DPH6: variants seen among roughly 807,000 people sequenced by gnomAD.
The protein encoded by DPH6 is diphthamine biosynthesis 6, also known as diphthine--ammonia ligase.
In DPH6, 33 loss-of-function variants were observed where a neutral mutation model predicts 38.2. That is an observed-to-expected ratio of 0.86 (90% CI 0.65 to 1.15). The LOEUF is 1.15. Among genes scored for constraint, DPH6 ranks in the 50% most tolerant of loss-of-function variants. The pLI, the probability that DPH6 is intolerant of heterozygous loss-of-function variation, is 0.00. For synonymous variants in DPH6, 108 were observed against 103.0 expected, an observed-to-expected ratio of 1.05 and a Z score of -0.30; for missense variants, 325 against 320.0, an observed-to-expected ratio of 1.02 and a Z score of -0.12.
At chr15:35,504,085 T>C (rs1401131392) in intron 3 of DPH6, among the ~76,000 whole-genome samples, 1 of 151,988 alleles carries the variant, frequency 6.6e-6, no homozygotes, top group East Asian at 1.9e-4. Context: ...CTAGCCCCTA[T>C]CTCTCCTCTC....
the DPH6 span, among the ~76,000 whole-genome samples, chr15:35,179,703 A>G: frequency 6.6e-6 from 1 of 152,334 alleles, no homozygotes. Context: ...TGGCTTGTAA[A>G]GACAGGGGAT....
At chr15:35,145,465 G>A in the DPH6 span, among the ~76,000 whole-genome samples, 8 of 152,300 alleles carry the variant, frequency 5.3e-5, no homozygotes, top group African/African-American at 1.9e-4. Context: ...TACTGCTTGG[G>A]AGCTGGTTAG....
At position 35,456,891 on chromosome 15, in the gene DPH6, T is replaced by A. The variant is rs189466904; in HGVS notation, c.313-2071A>T. The stretch of plus-strand genomic sequence containing the variant: ...TCATCACAACCCTAAAACAATTTCT[T>A]CTTTGTATACATGCATTCTCTGGAA... On this transcript the variant is annotated intron_variant, in intron 3 of 8. Coordinates refer to ENST00000256538, the MANE Select transcript of DPH6 (RefSeq NM_080650.4). Among the ~76,000 whole-genome samples the A allele has an allele frequency of 2.0e-5, 3 of 152,282 alleles. No individual in the cohort carries two copies. In the East Asian group the frequency reaches 5.8e-4, roughly 29 times the overall value.
At chr15:35,439,557 AT>A (rs1165519709) in intron 5 of DPH6, among the ~76,000 whole-genome samples, 9 of 152,234 alleles carry the variant, frequency 5.9e-5, no homozygotes, top group African/African-American at 2.2e-4. Flanking sequence ...CTTTTAAGGA[AT>A]CAAGCTCAAC....
chr15:35,211,403 C>G, the DPH6 span, among the ~76,000 whole-genome samples: 3 of 152,120 alleles, frequency 2.0e-5, no homozygotes, highest in Non-Finnish European at 4.4e-5. Context: ...GTCCTCATAA[C>G]TGTCTGTAGA....
intron 1 of DPH6, among the ~76,000 whole-genome samples, chr15:35,545,346 T>A (rs966946966): frequency 1.6e-4 from 25 of 152,376 alleles, no homozygotes; most frequent in South Asian, 6.2e-4. Context: ...ACAGGACTTA[T>A]TTAGACACTT....
chr15:35,495,439 G>A (rs1275861444), intron 3 of DPH6, among the ~76,000 whole-genome samples: 2 of 152,132 alleles, frequency 1.3e-5, no homozygotes, highest in African/African-American at 4.8e-5. Context: ...TTTGTTATCT[G>A]AGCCACTCAG....
chr15:35,291,019 A>G (rs953595474), intron 3 of DPH6, among the ~76,000 whole-genome samples: 1 of 152,102 alleles, frequency 6.6e-6, no homozygotes, highest in Non-Finnish European at 1.5e-5. Flanking sequence ...TTAGCCAAAA[A>G]CTAACCTAAC....
At chr15:35,520,201 C>T (rs1255642004) in intron 3 of DPH6, 3 of 613,182 alleles carry the variant, frequency 4.9e-6, no homozygotes, top group East Asian at 1.6e-4. Flanking sequence ...ATCACTCTCA[C>T]GTGAAAGTAA....
intron 5 of DPH6, among the ~76,000 whole-genome samples, chr15:35,436,409 T>TGAGCC: frequency 2.7e-5 from 4 of 150,920 alleles, no homozygotes; most frequent in Admixed American, 2.6e-4. Flanking sequence ...GAGCTTGCAA[T>TGAGCC]GAGCCGAGAT....
At chr15:35,262,915 A>G (rs981391162) in intron 3 of DPH6, among the ~76,000 whole-genome samples, 2 of 152,140 alleles carry the variant, frequency 1.3e-5, no homozygotes, top group Non-Finnish European at 2.9e-5. Context: ...TGAGAGAATC[A>G]TGCAGAATTT....
At chr15:35,288,902 A>G (rs1402001157) in intron 3 of DPH6, among the ~76,000 whole-genome samples, 2 of 152,150 alleles carry the variant, frequency 1.3e-5, no homozygotes, top group African/African-American at 4.8e-5. Flanking sequence ...TGTAACTTCC[A>G]TATCAGAATT....
intron 3 of DPH6, among the ~76,000 whole-genome samples, chr15:35,295,891 A>G (rs2052011353): frequency 6.6e-6 from 1 of 151,920 alleles, no homozygotes; most frequent in Non-Finnish European, 1.5e-5. Context: ...GTTGCCTTGA[A>G]CATCATATTA....
intron 3 of DPH6, among the ~76,000 whole-genome samples, chr15:35,509,888 T>C (rs1382395904): frequency 6.6e-6 from 1 of 152,172 alleles, no homozygotes; most frequent in Non-Finnish European, 1.5e-5. Flanking sequence ...CTCAACAATG[T>C]TGTAAACCAA....
At chr15:35,222,763 C>T (rs1294498007) in intron 3 of DPH6, among the ~76,000 whole-genome samples, 5 of 152,144 alleles carry the variant, frequency 3.3e-5, no homozygotes, top group Non-Finnish European at 2.9e-5. Context: ...TTTGAGTTCT[C>T]TCTTTTGTCC....
At chr15:35,531,367 A>C (rs2055084575) in intron 3 of DPH6, among the ~76,000 whole-genome samples, 1 of 152,222 alleles carries the variant, frequency 6.6e-6, no homozygotes, top group Non-Finnish European at 1.5e-5. Flanking sequence ...TATGATGCCC[A>C]TTCCATTTAA....
At chr15:35,207,038 CT>C in the DPH6 span, among the ~76,000 whole-genome samples, 6,790 of 73,698 alleles carry the variant, frequency 0.092, 260 homozygotes, top group East Asian at 0.18. Flanking sequence ...TTTAGTAAAG[CT>C]TTTTTTTTTT....
chr15:35,269,948 G>A (rs1479114981), intron 3 of DPH6, among the ~76,000 whole-genome samples: 4 of 151,214 alleles, frequency 2.6e-5, no homozygotes, highest in East Asian at 2.0e-4. Flanking sequence ...CTGCCACCAC[G>A]CCCAGCTAAT....
At chr15:35,276,077 T>G (rs2051857478) in intron 3 of DPH6, among the ~76,000 whole-genome samples, 1 of 152,218 alleles carries the variant, frequency 6.6e-6, no homozygotes, top group Admixed American at 6.5e-5. Flanking sequence ...AATGTAGAAG[T>G]GTTTCCTGTT....
Sources: gnomAD v4.1 joint callset for allele counts (sites outside exome capture counted in the v4.1 genomes callset) on GRCh38, gnomAD v4.1.1 for gene constraint, MANE v1.5 for transcripts, NCBI Gene and HGNC (gene_info 2026-07-23, HGNC 2026-07-21) for gene names.